Variants in NAA11 observed in about 807,000 individuals in gnomAD.
NAA11 encodes the protein N-alpha-acetyltransferase 11.
A neutral mutation model predicts 16.1 loss-of-function variants in NAA11; 15 were observed. The ratio of observed to expected loss-of-function variants is 0.93; its 90% confidence interval spans 0.62 to 1.44. The LOEUF (loss-of-function observed/expected upper bound fraction) is 1.44, where lower values mean the gene tolerates loss of function less well. Ranked by LOEUF, NAA11 falls within the 40% of genes most tolerant of loss-of-function variation. The pLI is 0.00. For missense variants in NAA11, 298 were observed against 291.3 expected (o/e 1.02, Z -0.17); for synonymous variants, 122 against 112.4 (o/e 1.09, Z -0.54).
At chr4:79,202,169 C>T in the NAA11 span, among the ~76,000 whole-genome samples, 4 of 151,438 alleles carry the variant, frequency 2.6e-5, no homozygotes, top group East Asian at 5.9e-4. Flanking sequence ...TGAGTCAGAT[C>T]GTGTGATGTT....
At chr4:79,276,291 A>C (rs904599360) in intron 2 of NAA11, among the ~76,000 whole-genome samples, 7 of 152,176 alleles carry the variant, frequency 4.6e-5, no homozygotes, top group Non-Finnish European at 1.0e-4. Flanking sequence ...ATGGAGACTG[A>C]TAAGTCCTCA....
At chr4:79,277,960 A>G (rs892900317) in intron 2 of NAA11, among the ~76,000 whole-genome samples, 10 of 152,042 alleles carry the variant, frequency 6.6e-5, no homozygotes, top group Admixed American at 1.3e-4. Context: ...GAAGAAGAAA[A>G]TGAACACTGT....
the NAA11 span, among the ~76,000 whole-genome samples, chr4:79,202,777 A>G: frequency 6.7e-6 from 1 of 150,180 alleles, no homozygotes. Flanking sequence ...CACTTAAAAC[A>G]GTTGAAAGCT....
intron 2 of NAA11, among the ~76,000 whole-genome samples, chr4:79,277,651 A>AC (rs1722687036): frequency 1.3e-5 from 2 of 151,730 alleles, no homozygotes; most frequent in African/African-American, 2.4e-5. Context: ...CATTCCAATC[A>AC]CCTGCTCCAC....
the NAA11 span, among the ~76,000 whole-genome samples, chr4:79,185,138 A>AG: frequency 6.6e-6 from 1 of 151,972 alleles, no homozygotes; most frequent in Non-Finnish European, 1.5e-5. Context: ...TATTCATTGT[A>AG]GGTTCTTTCT....
chr4:79,298,860 T>C (rs1340954055), intron 1 of NAA11: 1 of 152,258 alleles, frequency 6.6e-6, no homozygotes, highest in Non-Finnish European at 1.5e-5. Flanking sequence ...GAAGATCCCA[T>C]AACAAAATCA....
rs545728068 is a variant in NAA11, at chr4:79,245,025, T to C, written c.*123-18755A>G. The C allele has an allele frequency of 4.9e-5, 8 of 164,778 alleles. No individual in the cohort carries two copies. The Admixed American group carries it at 5.2e-4, about 11-fold the overall frequency. The allele number at this position is 164,778 out of a possible 1,614,324, so 10.2% of individuals were successfully genotyped here. On this transcript the variant is annotated intron_variant and NMD_transcript_variant, in intron 2 of 2. Coordinates refer to the NAA11 transcript ENST00000511542. ...GCCCTGGCCTCCCAAAGTGCTGAGA[T>C]TGCAGCCTCTGCCCGGCTGCCACCC...
At chr4:79,244,276 A>G (rs1236742052) in intron 2 of NAA11, among the ~76,000 whole-genome samples, 1 of 152,178 alleles carries the variant, frequency 6.6e-6, no homozygotes, top group African/African-American at 2.4e-5. Flanking sequence ...TGCCCTGCTC[A>G]TGCCTAACTG....
At chr4:79,178,829 A>G in the NAA11 span, among the ~76,000 whole-genome samples, 1 of 152,190 alleles carries the variant, frequency 6.6e-6, no homozygotes, top group Admixed American at 6.6e-5. Context: ...CATTTATGCT[A>G]TGATGTGAAG....
At chr4:79,176,733 A>G in the NAA11 span, among the ~76,000 whole-genome samples, 1 of 152,110 alleles carries the variant, frequency 6.6e-6, no homozygotes, top group Admixed American at 6.6e-5. Context: ...GTGCACATAT[A>G]CTCCTTAATG....
At chr4:79,189,018 T>G in the NAA11 span, among the ~76,000 whole-genome samples, 37 of 151,166 alleles carry the variant, frequency 2.4e-4, no homozygotes, top group Non-Finnish European at 7.4e-5. Flanking sequence ...TGGTGGCAGG[T>G]GCCTGTAGTC....
the NAA11 span, among the ~76,000 whole-genome samples, chr4:79,214,242 C>A: frequency 6.6e-6 from 1 of 152,166 alleles, no homozygotes; most frequent in Non-Finnish European, 1.5e-5. Context: ...GTAGTAAGGA[C>A]TCTTGATTTT....
intron 2 of NAA11, among the ~76,000 whole-genome samples, chr4:79,256,651 A>ATATATAAATATATATATATATATATAT (rs1722113513): frequency 3.1e-5 from 4 of 130,742 alleles, no homozygotes; most frequent in African/African-American, 1.2e-4. Context: ...TATAAATATA[A>ATATATAAATATATATATATATATATAT]ATATATATAT....
At chr4:79,312,296 A>G (rs6534326), downstream of NAA11, among the ~76,000 whole-genome samples, 88,302 of 152,014 alleles carry the variant, frequency 0.58, 25,987 homozygotes, top group East Asian at 0.85. Flanking sequence ...TGAAAAACCA[A>G]CCAGATGCTT....
the NAA11 span, among the ~76,000 whole-genome samples, chr4:79,160,368 TTTCAA>T: frequency 6.6e-6 from 1 of 152,234 alleles, no homozygotes; most frequent in South Asian, 2.1e-4. Flanking sequence ...GGACTATTGT[TTTCAA>T]TTCTTTTGAT....
chr4:79,186,905 G>A, the NAA11 span, among the ~76,000 whole-genome samples: 1 of 152,108 alleles, frequency 6.6e-6, no homozygotes, highest in Non-Finnish European at 1.5e-5. Flanking sequence ...ACACAGTGAG[G>A]TTTATATACT....
At chr4:79,248,995 C>CA in intron 2 of NAA11, among the ~76,000 whole-genome samples, 1 of 152,166 alleles carries the variant, frequency 6.6e-6, no homozygotes. Flanking sequence ...ACTTGAGCCC[C>CA]CCCCCAGTGC....
chr4:79,281,721 A>C (rs1358868853), intron 2 of NAA11, among the ~76,000 whole-genome samples: 1 of 152,158 alleles, frequency 6.6e-6, no homozygotes, highest in Non-Finnish European at 1.5e-5. Context: ...ATGACAAATT[A>C]CATCCCTATT....
chr4:79,311,628 G>A lies in NAA11; in HGVS notation c.*12+13548C>T, dbSNP rs73828246. Among the ~76,000 whole-genome samples, 137 of 152,294 alleles carry A rather than the reference G, an allele frequency of 9.0e-4. 1 individual carries two copies. The highest frequency in any genetic ancestry group is 3.2e-3 in the African/African-American group (132 of 41,558). ...AATTACATATTTCAACATTTCCAAA[G>A]CAGGTACCTTAGGGTATAACTCTAG... On this transcript the variant is annotated intron_variant and NMD_transcript_variant, in intron 1 of 2. Coordinates refer to the NAA11 transcript ENST00000511542.
Sources: gnomAD v4.1 joint callset for allele counts (sites outside exome capture counted in the v4.1 genomes callset) on GRCh38, gnomAD v4.1.1 for gene constraint, MANE v1.5 for transcripts, NCBI Gene and HGNC (gene_info 2026-07-23, HGNC 2026-07-21) for gene names.